The following MYO16 variants were observed in gnomAD, a reference collection of about 807,000 sequenced individuals.
MYO16 encodes the protein myosin XVI.
A neutral mutation model predicts 205.3 loss-of-function variants in MYO16; 94 were observed. The ratio of observed to expected loss-of-function variants is 0.46; its 90% CI spans 0.39 to 0.54. MYO16 has a LOEUF of 0.54. MYO16 is among the 20% of genes least tolerant of loss of function. The pLI is 0.00. For synonymous variants in MYO16, 988 were observed against 954.0 expected, an observed-to-expected ratio of 1.04 and a Z score of -0.66; for missense variants, 2,315 against 2,387.5, an observed-to-expected ratio of 0.97 and a Z score of 0.63.
At chr13:108,783,477 C>T (rs1886367779) in intron 4 of MYO16, among the ~76,000 whole-genome samples, 1 of 152,156 alleles carries the variant, frequency 6.6e-6, no homozygotes, top group South Asian at 2.1e-4. Context: ...AAACTTTGGA[C>T]TGTGAACTTT....
At chr13:108,873,734 C>CA (rs1402375028) in intron 12 of MYO16, among the ~76,000 whole-genome samples, 1 of 128,402 alleles carries the variant, frequency 7.8e-6, no homozygotes, top group Non-Finnish European at 1.7e-5. Context: ...CCATGCCAAC[C>CA]ACCAGGACAG....
chr13:108,703,402 C>A (rs766993880), intron 2 of MYO16, among the ~76,000 whole-genome samples: 2 of 152,078 alleles, frequency 1.3e-5, no homozygotes, highest in Non-Finnish European at 2.9e-5. Flanking sequence ...ATGTGCCTAA[C>A]AACAGGGTTC....
rs775304803 is a variant in MYO16 at position 109,141,150 on chromosome 13, C to T, written c.4938C>T (p.Pro1646=). 1.2e-6 allele frequency: 2 copies of T among 1,602,836 alleles called. No homozygotes were observed. The highest frequency in any genetic ancestry group is 8.5e-7 in the Non-Finnish European group (1 of 1,174,760). ...PKVHPKPNSA[P]VAGPCSSFPK... ...TTCACCCAAAGCCAAACTCTGCCCC[C>T]GTGGCCGGGCCCTGCAGCTCCTTCC... is the stretch of plus-strand genomic sequence containing the variant. The change falls in exon 32 of 35, where the codon CCC becomes CCT. Residue 1646 remains proline (P), a synonymous_variant. Transcript: ENST00000457511. The surrounding 1 kb of genome is among the most constrained non-coding windows in gnomAD (Gnocchi z 4.1).
At chr13:108,750,521 C>T (rs1455769047) in intron 4 of MYO16, among the ~76,000 whole-genome samples, 1 of 150,732 alleles carries the variant, frequency 6.6e-6, no homozygotes, top group African/African-American at 2.4e-5. Context: ...ATATTCCCAG[C>T]ACTTTGGGAG....
intron 4 of MYO16, among the ~76,000 whole-genome samples, chr13:108,767,398 G>T (rs1885816338): frequency 6.6e-6 from 1 of 152,134 alleles, no homozygotes; most frequent in South Asian, 2.1e-4. Flanking sequence ...CACTGCGCCT[G>T]GCTGTATCTG....
intron 2 of MYO16, among the ~76,000 whole-genome samples, chr13:108,672,404 T>G (rs1231141089): frequency 6.6e-6 from 1 of 152,186 alleles, no homozygotes; most frequent in Non-Finnish European, 1.5e-5. Context: ...TATCTCTTAT[T>G]TCCAAGTACT....
intron 13 of MYO16, among the ~76,000 whole-genome samples, chr13:108,886,691 G>C (rs950333809): frequency 1.7e-5 from 2 of 116,308 alleles, no homozygotes; most frequent in Non-Finnish European, 3.9e-5. Context: ...TTCCACCGCA[G>C]GCTTGTTTAG....
the MYO16 span, among the ~76,000 whole-genome samples, chr13:108,521,626 C>G: frequency 6.6e-6 from 1 of 152,164 alleles, no homozygotes; most frequent in Admixed American, 6.5e-5. Flanking sequence ...TGGCACTATT[C>G]AAACTGATAA....
intron 31 of MYO16, among the ~76,000 whole-genome samples, chr13:109,131,164 C>A (rs946954537): frequency 1.3e-5 from 2 of 152,154 alleles, no homozygotes; most frequent in Non-Finnish European, 2.9e-5. Flanking sequence ...TGGTTTTGTA[C>A]CTGAGCCATC....
chr13:109,138,464 G>T (rs1876879990), intron 31 of MYO16, among the ~76,000 whole-genome samples: 1 of 152,264 alleles, frequency 6.6e-6, no homozygotes, highest in East Asian at 1.9e-4. Flanking sequence ...AGAAAAAGAA[G>T]TCTTGTGGAA....
intron 3 of MYO16, among the ~76,000 whole-genome samples, chr13:108,715,091 A>G (rs899842499): frequency 1.3e-5 from 2 of 152,152 alleles, no homozygotes; most frequent in Non-Finnish European, 2.9e-5. Flanking sequence ...CCACACCATG[A>G]TCTGTCTCAA....
the MYO16 span, among the ~76,000 whole-genome samples, chr13:108,498,071 GC>G: frequency 6.6e-6 from 1 of 152,142 alleles, no homozygotes; most frequent in South Asian, 2.1e-4. Flanking sequence ...TAAAACATTT[GC>G]ATAAGTGAGA....
chr13:109,153,366 T>G (rs937857459), intron 32 of MYO16, among the ~76,000 whole-genome samples: 2 of 150,070 alleles, frequency 1.3e-5, no homozygotes, highest in African/African-American at 4.9e-5. Flanking sequence ...TCAAATTATG[T>G]TTTGGAGTAA....
At chr13:108,941,443 G>A (rs3928845) in intron 16 of MYO16, among the ~76,000 whole-genome samples, 6,746 of 152,094 alleles carry the variant, frequency 0.044, 294 homozygotes, top group Admixed American at 0.13. Flanking sequence ...TTGGGAGGCC[G>A]AGGCGGGTGG....
chr13:108,863,074 C>A lies in MYO16; in HGVS notation c.1360-3103C>A, dbSNP rs372937996. ...TCATATTCATTTTTTATCCATCAAACTTGCTAAAGTTATATGTCAGTATTA... is the reference window on the plus strand; with the variant it reads ...TCATATTCATTTTTTATCCATCAAAATTGCTAAAGTTATATGTCAGTATTA... On this transcript the variant is annotated intron_variant, in intron 11 of 34. Coordinates refer to ENST00000457511, the MANE Select transcript of MYO16 (RefSeq NM_001198950.3). Among the ~76,000 whole-genome samples, 9 of 152,100 alleles carry A rather than the reference C, an allele frequency of 5.9e-5. No individual in the cohort carries two copies. In the East Asian group the frequency reaches 1.5e-3, roughly 26 times the overall value.
At chr13:108,931,440 A>T (rs983465641) in intron 16 of MYO16, among the ~76,000 whole-genome samples, 2 of 152,136 alleles carry the variant, frequency 1.3e-5, no homozygotes, top group African/African-American at 4.8e-5. Flanking sequence ...CTGAAAACTC[A>T]TCTTGAGGAC....
At chr13:109,167,236 G>C (rs968882863) in intron 33 of MYO16, 9 of 152,244 alleles carry the variant, frequency 5.9e-5, no homozygotes, top group Admixed American at 2.6e-4. Context: ...TCAATGGGTG[G>C]GGAGTCCGTG....
rs1234279543 is a variant in MYO16 at position 108,962,500 on chromosome 13, T to A, written c.2227+5T>A. On this transcript the variant is annotated splice_donor_5th_base_variant and intron_variant, in intron 19 of 34. Transcript: ENST00000457511. The stretch of plus-strand genomic sequence containing the variant: ...CTGATATTCAATATTTTAAAGGTAA[T>A]TTTTTTATGCTCTAACATCTTTGTG... The A allele has an allele frequency of 1.2e-5, 18 of 1,552,428 alleles. No individual in the cohort carries two copies. The highest frequency in any genetic ancestry group is 1.6e-5 in the Non-Finnish European group (18 of 1,144,814).
At chr13:108,520,237 A>G in the MYO16 span, among the ~76,000 whole-genome samples, 1 of 152,114 alleles carries the variant, frequency 6.6e-6, no homozygotes, top group Admixed American at 6.6e-5. Context: ...GGTATGCTTC[A>G]GTTTTAGTGA....
Sources: allele counts gnomAD v4.1 joint callset (sites outside exome capture counted in the v4.1 genomes callset), GRCh38; gene constraint gnomAD v4.1.1; non-coding constraint Gnocchi (gnomAD v3.1); transcripts MANE v1.5; gene names NCBI Gene and HGNC (gene_info 2026-07-23, HGNC 2026-07-21).